COL6A3: variants seen among roughly 807,000 people sequenced by gnomAD.
COL6A3 encodes the protein collagen alpha-3(VI) chain.
A neutral mutation model predicts 274.1 loss-of-function variants in COL6A3; 137 were observed. The ratio of observed to expected loss-of-function variants is 0.50; its 90% CI spans 0.44 to 0.58. COL6A3 has a LOEUF of 0.58. Among genes scored for constraint, COL6A3 ranks in the 20% least tolerant of loss-of-function variants. The probability of loss-of-function intolerance (pLI) is 0.00; values close to 1 mark genes in which losing one functional copy is unlikely to be tolerated. For missense variants in COL6A3, 3,950 were observed against 4,124.9 expected (o/e 0.96, Z 1.16); for synonymous variants, 1,650 against 1,650.6 (o/e 1.00, Z 0.01).
chr2:237,352,625 C>G, intron 25 of COL6A3, 41 bp from the exon 26 acceptor site: 2 of 1,583,936 alleles, frequency 1.3e-6, no homozygotes, highest in Non-Finnish European at 1.7e-6. Context: ...AATGAGGTGA[C>G]TTTCCATGAG....
At position 237,359,211 on chromosome 2, in the gene COL6A3, C is replaced by T; in HGVS notation, c.6349G>A (p.Glu2117Lys). The T allele has an allele frequency of 6.2e-7, 1 of 1,614,266 alleles. No individual in the cohort carries two copies. ...GEIGLDGLDG[E>K]DGDKGLPGSS... ...CTTAGAGTAAAATCACTTACATCTTCACCATCCAGACCATCCAGTCCAATT... is the reference window on the plus strand; with the variant it reads ...CTTAGAGTAAAATCACTTACATCTTTACCATCCAGACCATCCAGTCCAATT... The change falls in exon 19 of 44, where the codon GAA (glutamate) becomes AAA (lysine). Residue 2117 changes from glutamate (E) to lysine (K), a missense_variant. By Grantham distance (56) the Glu-to-Lys change is moderately conservative. Coordinates refer to ENST00000295550, the MANE Select transcript of COL6A3 (RefSeq NM_004369.4).
chr2:237,374,724 A>G lies in COL6A3; in HGVS notation c.3367T>C (p.Ser1123Pro), dbSNP rs2077787077. The G allele has an allele frequency of 6.2e-7, 1 of 1,613,308 alleles. No homozygotes were observed. Among genetic ancestry groups the G allele is most frequent in the African/African-American group, 1.3e-5 (1 of 74,912 alleles). Residue 1123 changes from serine to proline, a missense_variant, in exon 8 of 44, where the codon TCT (serine) becomes CCT (proline). Ser to Pro is a moderately conservative substitution (Grantham distance 74, BLOSUM62 -1). Around this residue, in one of 5 missense-constraint regions of COL6A3, gnomAD observed 1,934 missense variants for 1,984.3 expected, o/e 0.97. Coordinates refer to ENST00000295550, the MANE Select transcript of COL6A3 (RefSeq NM_004369.4). This position sits in a 1 kb window ranked among gnomAD's most constrained non-coding sequence, Gnocchi z 4.8. ...EFVLRNILVS[S>P]AGSRITEGVP... ...CCTTCTGTTATCCTGCTTCCCGCAG[A>G]GCTGACCAGGATGTTCCTCAGGACA...
rs78512368 is a variant in COL6A3 at position 237,411,396 on chromosome 2, G to A, written c.-31+2557C>T. 6.0e-3 allele frequency among the ~76,000 whole-genome samples: 915 copies of A among 152,306 alleles called. 4 individuals are homozygous for A. The highest frequency in any genetic ancestry group is 0.013 in the South Asian group (64 of 4,824). On this transcript the variant is annotated intron_variant, in intron 1 of 43. Coordinates refer to ENST00000295550, the MANE Select transcript of COL6A3 (RefSeq NM_004369.4). ...GATATCAACCGCTGGTGAAGACTAC[G>A]CTTGATCCAGTTGTCTGAACACTCT...
At position 237,381,228 on chromosome 2, in the gene COL6A3, A is replaced by G; in HGVS notation, c.1584T>C (p.Ala528=). 1 of 1,614,240 alleles carries G rather than the reference A, an allele frequency of 6.2e-7. No homozygotes were observed. Among genetic ancestry groups the G allele is most frequent in the Non-Finnish European group, 8.5e-7 (1 of 1,180,048 alleles). The change falls in exon 5 of 44, where the codon GCT becomes GCC. Residue 528 remains alanine (A), a synonymous_variant. Coordinates refer to ENST00000295550, the MANE Select transcript of COL6A3 (RefSeq NM_004369.4). The part of the protein sequence containing the change: ...LDGSALYTGS[A]LDFVRNNLFT... ...ATAGGTTGTTACGAACAAAGTCTAG[A>G]GCAGAGCCCGTGTACAGGGCCGAGC...
At chr2:237,390,249 C>A (rs1254036008) in intron 3 of COL6A3, among the ~76,000 whole-genome samples, 2 of 152,174 alleles carry the variant, frequency 1.3e-5, no homozygotes, top group Non-Finnish European at 2.9e-5. Context: ...TATAGTCATG[C>A]AAATAAGATA....
intron 1 of COL6A3, among the ~76,000 whole-genome samples, chr2:237,405,740 C>T (rs996281260): frequency 1.3e-5 from 2 of 152,222 alleles, no homozygotes; most frequent in South Asian, 2.1e-4. Context: ...GGAAGAACCC[C>T]GGGAAACCCT....
chr2:237,332,326 T>C (rs1301834835), intron 42 of COL6A3, among the ~76,000 whole-genome samples: 1 of 151,688 alleles, frequency 6.6e-6, no homozygotes, highest in Non-Finnish European at 1.5e-5. Flanking sequence ...AAGCACTAAA[T>C]TGGCTAAAAT....
chr2:237,372,222 G>T lies in COL6A3; in HGVS notation c.3795C>A (p.Gly1265=), dbSNP rs886055808. Residue 1265 remains glycine, a synonymous_variant, in exon 9 of 44, where the codon GGC becomes GGA. Transcript: ENST00000295550. ...IERLVDYLDV[G]FDTTRVAVIQ... ...TGACAGCCACCCGGGTGGTGTCAAA[G>T]CCCACGTCCAGGTAGTCAACCAGCC... The T allele has an allele frequency of 5.0e-6, 8 of 1,613,980 alleles. No homozygotes were observed. Among genetic ancestry groups the T allele is most frequent in the Non-Finnish European group, 6.8e-6 (8 of 1,180,044 alleles).
intron 42 of COL6A3, chr2:237,329,037 C>A (rs138553722): frequency 5.4e-4 from 83 of 152,312 alleles, no homozygotes; most frequent in African/African-American, 1.9e-3. Flanking sequence ...AGGAAACTTA[C>A]CAAATTTTTA....
intron 1 of COL6A3, among the ~76,000 whole-genome samples, chr2:237,410,300 CT>C (rs552676030): frequency 0.037 from 4,609 of 126,180 alleles, 71 homozygotes; most frequent in African/African-American, 0.059. Context: ...AATTTCTTTT[CT>C]TTTTTTTTTT....
chr2:237,371,487 A>T lies in COL6A3; in HGVS notation c.4285+245T>A. 1 of 695,688 alleles carries T rather than the reference A, an allele frequency of 1.4e-6. No homozygotes were observed. Among genetic ancestry groups the T allele is most frequent in the Non-Finnish European group, 2.1e-6 (1 of 465,554 alleles). The allele number at this position is 695,688 out of a possible 1,614,324, so 43.1% of individuals were successfully genotyped here. On this transcript the variant is annotated intron_variant, in intron 9 of 43. Coordinates refer to ENST00000295550, the MANE Select transcript of COL6A3 (RefSeq NM_004369.4). This position sits in a 1 kb window ranked among gnomAD's most constrained non-coding sequence, Gnocchi z 4.3. ...GTGGTATGAACCTGTAGTCCTAGCTACTGAGGAGGCTGAAGTGGGAGGTTG... is the reference window on the plus strand; with the variant it reads ...GTGGTATGAACCTGTAGTCCTAGCTTCTGAGGAGGCTGAAGTGGGAGGTTG...
chr2:237,379,360 T>C (rs2077943391), intron 5 of COL6A3, 125 bp from the exon 6 acceptor site: 2 of 1,184,014 alleles, frequency 1.7e-6, no homozygotes, highest in Non-Finnish European at 2.5e-6. Context: ...TGGCAAAGCA[T>C]GTCCATCTTG....
intron 22 of COL6A3, 72 bp downstream of exon 22, chr2:237,357,745 T>C: frequency 3.3e-6 from 5 of 1,498,684 alleles, no homozygotes; most frequent in Non-Finnish European, 4.7e-6. Context: ...CTGTGGCTGC[T>C]GATGAGCCGA....
At chr2:237,354,573 A>C (rs2077276090) in intron 24 of COL6A3, among the ~76,000 whole-genome samples, 1 of 152,144 alleles carries the variant, frequency 6.6e-6, no homozygotes, top group Admixed American at 6.5e-5. Flanking sequence ...TCTACCTATG[A>C]CCTGGAAGCC....
At chr2:237,341,464 A>T (rs1468241699) in intron 37 of COL6A3, among the ~76,000 whole-genome samples, 1 of 148,914 alleles carries the variant, frequency 6.7e-6, no homozygotes, top group African/African-American at 2.5e-5. Context: ...GAATCGCTTG[A>T]ACCCAGGAAG....
Position 237,367,421 on chromosome 2 carries a change from C to T in COL6A3, c.4901-135G>A, listed in dbSNP as rs542580593. On this transcript the variant is annotated intron_variant, in intron 10 of 43. Transcript: ENST00000295550. ...TTCACAGTGAAACCTTCACTCAAAT[C>T]CATGCCTCTTTAGCCTGTAGTTCCT... 57 of 1,079,240 alleles carry T rather than the reference C, an allele frequency of 5.3e-5. No homozygotes were observed. The South Asian group carries it at 9.4e-4, about 18-fold the overall frequency. The allele number at this position is 1,079,240 out of a possible 1,614,324, so 66.9% of individuals were successfully genotyped here. A position where few individuals can be genotyped will look rare whatever the true frequency, so the allele number is the denominator to read the frequency against.
In COL6A3 at chr2:237,352,581, G is replaced by C. The variant is rs1310837410; in HGVS notation, c.6694C>G (p.Pro2232Ala). The change falls in exon 26 of 44, where the codon CCA becomes GCA. Residue 2232 changes from proline (P) to alanine (A), a missense_variant. Physicochemically the swap from Pro to Ala is conservative, Grantham distance 27 (BLOSUM62 -1). Transcript: ENST00000295550. ...CCTGGAGGACCAGCAGGACCAGCTG[G>C]GCCCTGAGGAAGGAAAAGACCATCG... is the stretch of plus-strand genomic sequence containing the variant. ...GEQGTRGAQG[P>A]AGPAGPPGLI... The C allele has an allele frequency of 1.2e-6, 2 of 1,613,434 alleles. No homozygotes were observed. The highest frequency in any genetic ancestry group is 2.7e-5 in the African/African-American group (2 of 74,894).
Position 237,358,565 on chromosome 2 carries a change from C to T in COL6A3, c.6427G>A (p.Gly2143Arg), listed in dbSNP as rs568208338. Residue 2143 changes from glycine (G) to arginine (R), a missense_variant, in exon 21 of 44, where the codon GGA (glycine) becomes AGA (arginine). Physicochemically the swap from Gly to Arg is moderately radical, Grantham distance 125. Around this residue, in one of 5 missense-constraint regions of COL6A3, gnomAD observed 1,284 missense variants for 1,349.7 expected, o/e 0.95. Coordinates refer to ENST00000295550, the MANE Select transcript of COL6A3 (RefSeq NM_004369.4). ...PGRRGDKGPR[G>R]EKGERGDVGI... ...ACATCTCCTCTTTCTCCTTTCTCTC[C>T]TCGAGGTCCTTTATCACCCTAAAGA... 5.6e-6 allele frequency: 9 copies of T among 1,614,052 alleles called. No individual in the cohort carries two copies. In the Admixed American group the frequency reaches 6.7e-5, roughly 12 times the overall value.
rs2077139543 is a variant in COL6A3 at position 237,348,400 on chromosome 2, A to C, written c.6931-16T>G. 5.1e-6 allele frequency: 8 copies of C among 1,579,780 alleles called. No individual in the cohort carries two copies. In the South Asian group the frequency reaches 6.6e-5, roughly 13 times the overall value. Reference sequence around the variant, plus strand: ...CTCTTTCTCCCTATAAAGGAAAAATAGATTATTTAATACTTGGTTCTAATT... The same window carrying C: ...CTCTTTCTCCCTATAAAGGAAAAATCGATTATTTAATACTTGGTTCTAATT... On this transcript the variant is annotated splice_polypyrimidine_tract_variant and intron_variant, in intron 29 of 43. Coordinates refer to ENST00000295550, the MANE Select transcript of COL6A3 (RefSeq NM_004369.4).
Sources: gnomAD v4.1 joint callset for allele counts (sites outside exome capture counted in the v4.1 genomes callset) on GRCh38, gnomAD v4.1.1 for gene constraint, gnomAD v4.1.1 regional missense constraint, Gnocchi (gnomAD v3.1) non-coding constraint, MANE v1.5 for transcripts, NCBI Gene and HGNC (gene_info 2026-07-23, HGNC 2026-07-21) for gene names.